ADAM18: variants seen among roughly 807,000 people sequenced by gnomAD.
ADAM18 encodes disintegrin and metalloproteinase domain-containing protein 18.
A neutral mutation model predicts 94.4 loss-of-function variants in ADAM18; 117 were observed. The observed-to-expected ratio is 1.24, with a 90% CI of 1.07 to 1.45. ADAM18 has a LOEUF of 1.45. ADAM18 is among the 40% of genes most tolerant of loss of function. The probability of loss-of-function intolerance (pLI) is 0.00; values close to 1 mark genes in which losing one functional copy is unlikely to be tolerated. For missense variants in ADAM18, 936 were observed against 880.0 expected (o/e 1.06, Z -0.81); for synonymous variants, 327 against 291.6 (o/e 1.12, Z -1.24).
intron 6 of ADAM18, among the ~76,000 whole-genome samples, chr8:39,619,878 A>G (rs1236443403): frequency 6.6e-6 from 1 of 152,154 alleles, no homozygotes; most frequent in Non-Finnish European, 1.5e-5. Context: ...ACAGAAATAG[A>G]AAAAAGTCAA....
intron 2 of ADAM18, among the ~76,000 whole-genome samples, chr8:39,591,747 A>C (rs182101222): frequency 1.7e-3 from 254 of 152,338 alleles, no homozygotes; most frequent in Non-Finnish European, 2.5e-3. Flanking sequence ...TCTTAATGAC[A>C]TGTAGAATGG....
intron 12 of ADAM18, among the ~76,000 whole-genome samples, chr8:39,662,028 T>C (rs1008476970): frequency 6.6e-6 from 1 of 151,598 alleles, no homozygotes; most frequent in African/African-American, 2.4e-5. Context: ...AGCTCTGCTA[T>C]GCAAAATGGT....
intron 19 of ADAM18, among the ~76,000 whole-genome samples, chr8:39,724,893 A>G (rs1465901351): frequency 6.6e-6 from 1 of 151,996 alleles, no homozygotes; most frequent in Admixed American, 6.6e-5. Flanking sequence ...TTTTCAACTT[A>G]GTTGAGCTCT....
At chr8:39,621,426 AT>A (rs1199875095) in intron 6 of ADAM18, among the ~76,000 whole-genome samples, 2 of 151,872 alleles carry the variant, frequency 1.3e-5, no homozygotes, top group African/African-American at 4.8e-5. Flanking sequence ...TGAATGACAC[AT>A]GAGTTCCCTG....
At chr8:39,638,578 A>ATTTTT (rs1166639135) in intron 10 of ADAM18, 32 bp downstream of exon 10, 9 of 1,318,190 alleles carry the variant, frequency 6.8e-6, no homozygotes, top group Non-Finnish European at 9.4e-6. Context: ...TTACATCACT[A>ATTTTT]TTTTTAGGCC....
intron 15 of ADAM18, among the ~76,000 whole-genome samples, chr8:39,678,312 T>C (rs374667933): frequency 6.6e-6 from 1 of 152,176 alleles, no homozygotes; most frequent in Non-Finnish European, 1.5e-5. Flanking sequence ...AGTTCCTTTA[T>C]TAAGATGAGA....
chr8:39,641,506 T>C (rs1039369569), intron 10 of ADAM18, among the ~76,000 whole-genome samples: 13 of 152,016 alleles, frequency 8.6e-5, no homozygotes, highest in African/African-American at 3.1e-4. Flanking sequence ...CATCCTCTGA[T>C]AGGCTTCAGT....
intron 2 of ADAM18, among the ~76,000 whole-genome samples, chr8:39,589,589 T>C (rs902162560): frequency 1.3e-5 from 2 of 151,910 alleles, no homozygotes; most frequent in African/African-American, 2.4e-5. Context: ...CACAAACATG[T>C]CAATGATTGT....
At chr8:39,644,212 A>G (rs1158232854) in intron 10 of ADAM18, among the ~76,000 whole-genome samples, 2 of 152,058 alleles carry the variant, frequency 1.3e-5, no homozygotes, top group Non-Finnish European at 2.9e-5. Context: ...TATTTATCAA[A>G]GATAAATAAT....
At chr8:39,721,239 A>G (rs1370965244) in intron 18 of ADAM18, among the ~76,000 whole-genome samples, 2 of 151,564 alleles carry the variant, frequency 1.3e-5, no homozygotes, top group South Asian at 2.1e-4. Flanking sequence ...GAAAAAATCT[A>G]TGTATTTCAA....
chr8:39,668,213 C>A lies in ADAM18; in HGVS notation c.1525+17C>A, dbSNP rs74967527. On this transcript the variant is annotated intron_variant, in intron 14 of 19. Transcript: ENST00000265707. The stretch of plus-strand genomic sequence containing the variant: ...TTGGAAAAGGTATTGCTCTTTCTTT[C>A]GTATTTATTTTACCTTACATTTGCA... The A allele has an allele frequency of 6.5e-5, 104 of 1,611,348 alleles. No homozygotes were observed. The highest frequency in any genetic ancestry group is 8.5e-5 in the Non-Finnish European group (100 of 1,177,770).
chr8:39,722,134 A>G (rs992114734), intron 18 of ADAM18, among the ~76,000 whole-genome samples: 1 of 148,622 alleles, frequency 6.7e-6, no homozygotes, highest in African/African-American at 2.5e-5. Flanking sequence ...ATTTATTTAT[A>G]TATAAAATAT....
Position 39,585,309 on chromosome 8 carries a change from C to G in ADAM18, c.89C>G (p.Pro30Arg), listed in dbSNP as rs1180384794. The G allele has an allele frequency of 6.2e-7, 1 of 1,613,258 alleles. No homozygotes were observed. Among genetic ancestry groups the G allele is most frequent in the Non-Finnish European group, 8.5e-7 (1 of 1,179,722 alleles). ...SEGIFLHVTV[P>R]RKIKSNDSEV... The stretch of plus-strand genomic sequence containing the variant: ...GGAATATTTCTGCATGTCACAGTTC[C>G]ACGGAAGATTAAGTCAAATGACAGT... The change falls in exon 2 of 20, where the codon CCA (proline) becomes CGA (arginine). Residue 30 changes from proline (P) to arginine (R), a missense_variant. Transcript: ENST00000265707.
chr8:39,686,707 A>G (rs1027924730), intron 16 of ADAM18, among the ~76,000 whole-genome samples: 1 of 152,232 alleles, frequency 6.6e-6, no homozygotes, highest in African/African-American at 2.4e-5. Flanking sequence ...TGACATACGA[A>G]AAACAACATT....
rs533312635 is a variant in ADAM18, at chr8:39,605,489, A to T, written c.133-818A>T. Among the ~76,000 whole-genome samples the T allele has an allele frequency of 8.5e-5, 13 of 152,256 alleles. No homozygotes were observed. In the South Asian group the frequency reaches 2.7e-3, roughly 32 times the overall value. On this transcript the variant is annotated intron_variant, in intron 2 of 19. Transcript: ENST00000265707. ...TTATATGTTGAGAGAGAGATGCTAAATGTCTCTAAATAGGTATGACTGCAC... is the reference window on the plus strand; with the variant it reads ...TTATATGTTGAGAGAGAGATGCTAATTGTCTCTAAATAGGTATGACTGCAC...
rs546310354 is a variant in ADAM18, at chr8:39,706,808, A to C, written c.1921A>C (p.Asn641His). ...KGKGICNNFG[N>H]CQCFPGHRPP... Reference sequence around the variant, plus strand: ...GTTTCAGATATGTAATAATTTTGGTAATTGTCAATGCTTCCCTGGACATAG... The same window carrying C: ...GTTTCAGATATGTAATAATTTTGGTCATTGTCAATGCTTCCCTGGACATAG... The change falls in exon 18 of 20, where the codon AAT becomes CAT. Residue 641 changes from asparagine (N) to histidine (H), a missense_variant. Coordinates refer to ENST00000265707, the MANE Select transcript of ADAM18 (RefSeq NM_014237.3). 1 of 1,604,168 alleles carries C rather than the reference A, an allele frequency of 6.2e-7. No individual in the cohort carries two copies. Among genetic ancestry groups the C allele is most frequent in the East Asian group, 2.2e-5 (1 of 44,780 alleles).
rs540528579 is a variant in ADAM18, at chr8:39,727,005, G to C, written c.2178-2893G>C. On this transcript the variant is annotated intron_variant, in intron 19 of 19. Coordinates refer to ENST00000265707, the MANE Select transcript of ADAM18 (RefSeq NM_014237.3). ...TCTTTTACCAAAAGTAGTTACTTTTGATAGAGAAAGCTAAATTATTTTAAC... is the reference window on the plus strand; with the variant it reads ...TCTTTTACCAAAAGTAGTTACTTTTCATAGAGAAAGCTAAATTATTTTAAC... Among the ~76,000 whole-genome samples, 3 of 152,232 alleles carry C rather than the reference G, an allele frequency of 2.0e-5. No homozygotes were observed. In the East Asian group the frequency reaches 5.8e-4, roughly 29 times the overall value.
intron 10 of ADAM18, among the ~76,000 whole-genome samples, chr8:39,641,962 G>A (rs1370437130): frequency 6.6e-6 from 1 of 152,090 alleles, no homozygotes; most frequent in Non-Finnish European, 1.5e-5. Flanking sequence ...TCTTACTAGT[G>A]TGAGATGGTA....
Position 39,730,059 on chromosome 8 carries a change from C to A in ADAM18, c.*119C>A. 1 of 967,928 alleles carries A rather than the reference C, an allele frequency of 1.0e-6. No individual in the cohort carries two copies. The highest frequency in any genetic ancestry group is 1.4e-5 in the South Asian group (1 of 69,408). 60.0% of individuals were successfully genotyped at this position (967,928 alleles called of 1,614,324 possible). On this transcript the variant is annotated 3_prime_UTR_variant, in exon 20 of 20. Transcript: ENST00000265707. Reference sequence around the variant, plus strand: ...CTTTTGGAAAATAAAGCCTGCGTGCCCTCCCATGTGCCTCCTCCAGTGCCT... The same window carrying A: ...CTTTTGGAAAATAAAGCCTGCGTGCACTCCCATGTGCCTCCTCCAGTGCCT...
Sources: allele counts gnomAD v4.1 joint callset (sites outside exome capture counted in the v4.1 genomes callset), GRCh38; gene constraint gnomAD v4.1.1; transcripts MANE v1.5; gene names NCBI Gene and HGNC (gene_info 2026-07-23, HGNC 2026-07-21).